POR: variants seen among roughly 807,000 people sequenced by gnomAD.
POR encodes NADPH--cytochrome P450 reductase.
POR carries 56 observed loss-of-function variants against 84.0 expected under a neutral mutation model. The observed-to-expected ratio is 0.67, with a 90% CI of 0.54 to 0.83. The LOEUF is 0.83. POR is among the 40% of genes least tolerant of loss of function. The probability of loss-of-function intolerance (pLI) is 0.00; values close to 1 mark genes in which losing one functional copy is unlikely to be tolerated. For synonymous variants in POR, 414 were observed against 400.5 expected, an observed-to-expected ratio of 1.03 and a Z score of -0.40; for missense variants, 938 against 944.3, an observed-to-expected ratio of 0.99 and a Z score of 0.09.
intron 1 of POR, among the ~76,000 whole-genome samples, chr7:75,925,542 A>G (rs1225139444): frequency 6.6e-6 from 1 of 152,162 alleles, no homozygotes; most frequent in Non-Finnish European, 1.5e-5. Context: ...TTTTTTAAAA[A>G]GTGCTTTTCC....
chr7:75,915,651 A>G (rs1212147274), intron 1 of POR: 7 of 152,216 alleles, frequency 4.6e-5, no homozygotes, highest in African/African-American at 1.7e-4. Flanking sequence ...ACCCGAATCT[A>G]ACCCTGCAGC....
At chr7:75,932,433 C>A (rs555674088) in intron 1 of POR, among the ~76,000 whole-genome samples, 2 of 152,058 alleles carry the variant, frequency 1.3e-5, no homozygotes, top group South Asian at 4.1e-4. Context: ...CTGCCTGCCT[C>A]GGCCTCCCAA....
intron 1 of POR, among the ~76,000 whole-genome samples, chr7:75,937,820 G>A (rs1276682655): frequency 6.6e-6 from 1 of 152,156 alleles, no homozygotes; most frequent in Non-Finnish European, 1.5e-5. Flanking sequence ...GGGATGGTCA[G>A]GAGGATGAAC....
intron 1 of POR, among the ~76,000 whole-genome samples, chr7:75,928,154 A>G (rs1435001968): frequency 6.6e-6 from 1 of 151,744 alleles, no homozygotes; most frequent in East Asian, 1.9e-4. Context: ...TATTTTTAGT[A>G]GAGATAGGGT....
At chr7:75,923,604 C>A (rs1378363503) in intron 1 of POR, among the ~76,000 whole-genome samples, 1 of 152,134 alleles carries the variant, frequency 6.6e-6, no homozygotes, top group African/African-American at 2.4e-5. Flanking sequence ...AAGACAGTGG[C>A]TGGCCGGGCC....
chr7:75,983,295 C>G, intron 8 of POR: 1 of 488,220 alleles, frequency 2.0e-6, no homozygotes, highest in South Asian at 3.2e-5. Flanking sequence ...GAGCCGAGAT[C>G]GCGCCGCTGC....
intron 1 of POR, among the ~76,000 whole-genome samples, chr7:75,924,872 G>A (rs973616033): frequency 2.6e-5 from 4 of 152,146 alleles, no homozygotes; most frequent in African/African-American, 7.2e-5. Context: ...TCCCGGAGAC[G>A]GACTGTGATA....
intron 1 of POR, among the ~76,000 whole-genome samples, chr7:75,917,224 C>T (rs1185069400): frequency 6.6e-6 from 1 of 151,872 alleles, no homozygotes; most frequent in Non-Finnish European, 1.5e-5. Context: ...CGCACCACCA[C>T]ACCCAGCTAA....
intron 10 of POR, 135 bp from the exon 11 acceptor site, chr7:75,984,642 T>C (rs984852664): frequency 1.0e-5 from 8 of 768,952 alleles, no homozygotes; most frequent in East Asian, 5.3e-5. Flanking sequence ...TCAGAGAGCA[T>C]AGGCCTTGTT....
At position 75,986,690 on chromosome 7, in the gene POR, TGG is replaced by T. The variant is rs1789497454; in HGVS notation, c.*213_*214del. 1 of 638,380 alleles carries T rather than the reference TGG, an allele frequency of 1.6e-6. No individual in the cohort carries two copies. The highest frequency in any genetic ancestry group is 3.0e-5 in the Admixed American group (1 of 33,636). 39.5% of individuals were successfully genotyped at this position (638,380 alleles called of 1,614,324 possible). A position where few individuals can be genotyped will look rare whatever the true frequency, so the allele number is the denominator to read the frequency against. On this transcript the variant is annotated 3_prime_UTR_variant, in exon 16 of 16. Transcript: ENST00000461988. ...CTGGCAGCACAGCCCAGGGCCTGCA[TGG>T]GGGCACCGGGCTCCATGCCTCTGGA...
At position 75,970,522 on chromosome 7, in the gene POR, T is replaced by A. The variant is rs572584032; in HGVS notation, c.189-1891T>A. ...ACCACACCGGGCTAATTAAAAAAAA[T>A]TTTTTTTTTTAGAGGTAGAGTATTG... On this transcript the variant is annotated intron_variant, in intron 2 of 15. Transcript: ENST00000461988. 2.8e-3 allele frequency among the ~76,000 whole-genome samples: 413 copies of A among 148,700 alleles called. 7 individuals carry two copies. In the South Asian group the frequency reaches 0.048, roughly 17 times the overall value.
intron 1 of POR, among the ~76,000 whole-genome samples, chr7:75,917,379 T>C (rs1284181025): frequency 7.4e-6 from 1 of 135,682 alleles, no homozygotes. Flanking sequence ...TCTTATTTCT[T>C]CTTCTTTTTT....
intron 1 of POR, among the ~76,000 whole-genome samples, chr7:75,953,192 G>A (rs1479186054): frequency 2.0e-5 from 3 of 151,858 alleles, no homozygotes; most frequent in African/African-American, 7.3e-5. Flanking sequence ...GGCGGCGCGC[G>A]CCTGCAATCG....
In POR at chr7:75,984,941, T is replaced by G. The variant is rs781842238; in HGVS notation, c.1231T>G (p.Ser411Ala). 11 of 1,597,124 alleles carry G rather than the reference T, an allele frequency of 6.9e-6. 1 individual carries two copies. In the South Asian group the frequency reaches 8.9e-5, roughly 13 times the overall value. Residue 411 changes from serine to alanine, a missense_variant, in exon 11 of 16, where the codon TCC becomes GCC. Physicochemically the swap from Ser to Ala is moderately conservative, Grantham distance 99. Coordinates refer to ENST00000461988, the MANE Select transcript of POR (RefSeq NM_000941.3). Reference sequence around the variant, plus strand: ...GGAGCTGCTGCGCAAGATGGCCTCCTCCTCCGGCGAGGGCAAGGTGCGCCC... The same window carrying G: ...GGAGCTGCTGCGCAAGATGGCCTCCGCCTCCGGCGAGGGCAAGGTGCGCCC...
intron 2 of POR, among the ~76,000 whole-genome samples, chr7:75,963,119 C>G (rs1788016597): frequency 6.6e-6 from 1 of 152,192 alleles, no homozygotes; most frequent in Non-Finnish European, 1.5e-5. Flanking sequence ...TTTTTATCTC[C>G]TGAGTGCCAA....
chr7:75,978,953 T>G (rs1026229985), intron 3 of POR, among the ~76,000 whole-genome samples: 7 of 151,968 alleles, frequency 4.6e-5, no homozygotes, highest in Admixed American at 4.6e-4. Flanking sequence ...CACGCCACCA[T>G]GCCCGGCTAA....
intron 2 of POR, 96 bp downstream of exon 2, chr7:75,954,276 C>A: frequency 7.7e-7 from 1 of 1,290,562 alleles, no homozygotes; most frequent in South Asian, 1.4e-5. Context: ...AGAAGCAAGG[C>A]TCCTTGTAGC....
chr7:75,942,110 C>A (rs1393229059), intron 1 of POR, among the ~76,000 whole-genome samples: 5 of 152,020 alleles, frequency 3.3e-5, no homozygotes, highest in African/African-American at 1.2e-4. Flanking sequence ...ACCTGTAGTC[C>A]CAACTACTGT....
chr7:75,954,603 G>C (rs782344315), intron 2 of POR, among the ~76,000 whole-genome samples: 1 of 151,850 alleles, frequency 6.6e-6, no homozygotes, highest in Non-Finnish European at 1.5e-5. Flanking sequence ...GCGGTGGCAC[G>C]ATCAAGGTTC....
Sources: allele counts gnomAD v4.1 joint callset (sites outside exome capture counted in the v4.1 genomes callset), GRCh38; gene constraint gnomAD v4.1.1; transcripts MANE v1.5; gene names NCBI Gene and HGNC (gene_info 2026-07-23, HGNC 2026-07-21).